The following ADGRB3 variants were observed in gnomAD, a reference collection of about 807,000 sequenced individuals.
ADGRB3 encodes brain-specific angiogenesis inhibitor 3.
A neutral mutation model predicts 193.4 loss-of-function variants in ADGRB3; 37 were observed. The ratio of observed to expected loss-of-function variants is 0.19; its 90% CI spans 0.15 to 0.25. ADGRB3 has a LOEUF of 0.25. ADGRB3 is among the 10% of genes least tolerant of loss of function. The pLI, the probability that ADGRB3 is intolerant of heterozygous loss-of-function variation, is 1.00. For synonymous variants in ADGRB3, 690 were observed against 644.2 expected (o/e 1.07, Z -1.08); for missense variants, 1,637 against 1,852.9 (o/e 0.88, Z 2.14).
chr6:68,642,089 G>A (rs1240208938), intron 3 of ADGRB3, among the ~76,000 whole-genome samples: 2 of 151,840 alleles, frequency 1.3e-5, no homozygotes, highest in South Asian at 2.1e-4. Context: ...ATTAAAAAAG[G>A]TTGTCTCTTA....
intron 26 of ADGRB3, among the ~76,000 whole-genome samples, chr6:69,344,392 C>T (rs1769040778): frequency 6.6e-6 from 1 of 152,150 alleles, no homozygotes; most frequent in African/African-American, 2.4e-5. Context: ...CCCTCTCCCA[C>T]TCGCACCCTT....
chr6:69,249,647 T>A (rs1406585927), intron 20 of ADGRB3, among the ~76,000 whole-genome samples: 1 of 152,206 alleles, frequency 6.6e-6, no homozygotes, highest in African/African-American at 2.4e-5. Context: ...TTTTTACCTC[T>A]CTACCTCTAT....
chr6:69,149,966 G>A (rs1774625599), intron 17 of ADGRB3, among the ~76,000 whole-genome samples: 1 of 145,336 alleles, frequency 6.9e-6, no homozygotes, highest in African/African-American at 2.6e-5. Context: ...GTGTGTGTGT[G>A]TGTGTGTGTT....
Position 69,303,249 on chromosome 6 carries a change from A to G in ADGRB3, c.2815-21623A>G, listed in dbSNP as rs149055928. Among the ~76,000 whole-genome samples, 287 of 151,988 alleles carry G rather than the reference A, an allele frequency of 1.9e-3. 1 individual carries two copies. The highest frequency in any genetic ancestry group is 6.4e-3 in the African/African-American group (265 of 41,510). On this transcript the variant is annotated intron_variant, in intron 20 of 31. Coordinates refer to ENST00000370598, the MANE Select transcript of ADGRB3 (RefSeq NM_001704.3). The stretch of plus-strand genomic sequence containing the variant: ...GAAACTAAAGCAAATGGTGGAAGAA[A>G]AACTGGTGCTGTATAGGAACATTTT...
chr6:69,179,933 A>C (rs887414966), intron 17 of ADGRB3, among the ~76,000 whole-genome samples: 1 of 152,188 alleles, frequency 6.6e-6, no homozygotes, highest in Admixed American at 6.5e-5. Context: ...CATGAAGTGC[A>C]CTGTGGTCTG....
intron 3 of ADGRB3, among the ~76,000 whole-genome samples, chr6:68,742,593 A>G (rs1450205149): frequency 6.6e-6 from 1 of 152,124 alleles, no homozygotes; most frequent in Non-Finnish European, 1.5e-5. Flanking sequence ...CTCAATAAAC[A>G]GAGAATAATA....
At chr6:69,132,985 A>T (rs1302845745) in intron 17 of ADGRB3, among the ~76,000 whole-genome samples, 1 of 152,026 alleles carries the variant, frequency 6.6e-6, no homozygotes, top group Non-Finnish European at 1.5e-5. Flanking sequence ...ATTGGTCTAT[A>T]TATCTGTTTT....
intron 29 of ADGRB3, 47 bp from the exon 30 acceptor site, chr6:69,372,359 A>G (rs780360992): frequency 2.7e-6 from 3 of 1,129,390 alleles, no homozygotes; most frequent in Admixed American, 5.3e-5. Flanking sequence ...ATGACTAAAC[A>G]TAACTTTATT....
intron 3 of ADGRB3, among the ~76,000 whole-genome samples, chr6:68,892,646 C>A (rs74536773): frequency 2.6e-5 from 4 of 151,932 alleles, no homozygotes; most frequent in Non-Finnish European, 5.9e-5. Flanking sequence ...CTCAGAGGGC[C>A]TGGGTTGTGC....
chr6:69,188,373 A>G (rs527291561), intron 17 of ADGRB3, among the ~76,000 whole-genome samples: 1 of 152,010 alleles, frequency 6.6e-6, no homozygotes, highest in South Asian at 2.1e-4. Context: ...CAATGGTGCT[A>G]TCTCGGCTCA....
chr6:69,250,378 T>G (rs1766595177), intron 20 of ADGRB3, among the ~76,000 whole-genome samples: 1 of 152,204 alleles, frequency 6.6e-6, no homozygotes, highest in South Asian at 2.1e-4. Context: ...TAGAAATTTG[T>G]TATATATTTT....
intron 11 of ADGRB3, among the ~76,000 whole-genome samples, chr6:68,994,227 G>A (rs1172070810): frequency 6.6e-6 from 1 of 152,022 alleles, no homozygotes; most frequent in African/African-American, 2.4e-5. Flanking sequence ...CAGATAAAAG[G>A]CACTATAGCA....
At chr6:68,667,687 C>T (rs903312746) in intron 3 of ADGRB3, among the ~76,000 whole-genome samples, 1 of 151,646 alleles carries the variant, frequency 6.6e-6, no homozygotes, top group African/African-American at 2.4e-5. Context: ...TTATTTTTGC[C>T]ATATTCTATT....
In ADGRB3 at chr6:69,052,885, T is replaced by C. The variant is rs548845141; in HGVS notation, c.2333+3539T>C. Reference sequence around the variant, plus strand: ...CTTCCTTCTTCAGAATAATTTCTTATAGATAGAAAATATGGATGGGCCAGG... The same window carrying C: ...CTTCCTTCTTCAGAATAATTTCTTACAGATAGAAAATATGGATGGGCCAGG... On this transcript the variant is annotated intron_variant, in intron 15 of 31. Transcript: ENST00000370598. Among the ~76,000 whole-genome samples, 35 of 152,258 alleles carry C rather than the reference T, an allele frequency of 2.3e-4. 1 individual carries two copies. The South Asian group carries it at 3.3e-3, about 14-fold the overall frequency.
intron 20 of ADGRB3, among the ~76,000 whole-genome samples, chr6:69,296,112 G>T (rs1427380316): frequency 6.6e-6 from 1 of 152,074 alleles, no homozygotes; most frequent in East Asian, 1.9e-4. Context: ...AATAAATTGT[G>T]TTTTACCAGT....
chr6:69,229,028 A>G (rs1766079881), intron 17 of ADGRB3, among the ~76,000 whole-genome samples: 1 of 152,184 alleles, frequency 6.6e-6, no homozygotes, highest in Non-Finnish European at 1.5e-5. Context: ...AATGCTCTTC[A>G]GGTAATTTTA....
At position 68,909,673 on chromosome 6, in the gene ADGRB3, C is replaced by T. The variant is rs140482507; in HGVS notation, c.758-20886C>T. Among the ~76,000 whole-genome samples, 663 of 152,228 alleles carry T rather than the reference C, an allele frequency of 4.4e-3. 5 individuals carry two copies. Among genetic ancestry groups the T allele is most frequent in the African/African-American group, 0.014 (575 of 41,558 alleles). ...CTTTGTCATGCATTTTTAGATATCG[C>T]TTCTTTGTCGGTCTCAGAGTGGGAC... On this transcript the variant is annotated intron_variant, in intron 3 of 31. Coordinates refer to ENST00000370598, the MANE Select transcript of ADGRB3 (RefSeq NM_001704.3).
intron 20 of ADGRB3, among the ~76,000 whole-genome samples, chr6:69,246,227 C>G (rs899761326): frequency 6.6e-6 from 1 of 152,046 alleles, no homozygotes; most frequent in African/African-American, 2.4e-5. Flanking sequence ...CATATCCTGC[C>G]AATAGTGTCC....
At chr6:69,151,830 A>G (rs571588244) in intron 17 of ADGRB3, among the ~76,000 whole-genome samples, 8 of 152,290 alleles carry the variant, frequency 5.3e-5, no homozygotes, top group South Asian at 4.1e-4. Context: ...TTTAGTTCCT[A>G]TAGTCCCCAT....
Sources: gnomAD v4.1 joint callset for allele counts (sites outside exome capture counted in the v4.1 genomes callset) on GRCh38, gnomAD v4.1.1 for gene constraint, MANE v1.5 for transcripts, NCBI Gene and HGNC (gene_info 2026-07-23, HGNC 2026-07-21) for gene names.